Variants in PTPRD observed in about 807,000 individuals in gnomAD.
PTPRD encodes the protein protein tyrosine phosphatase receptor type D.
PTPRD carries 34 observed loss-of-function variants against 214.5 expected under a neutral mutation model. The ratio of observed to expected loss-of-function variants is 0.16; its 90% CI spans 0.12 to 0.21. The LOEUF is 0.21. Among genes scored for constraint, PTPRD ranks in the 10% least tolerant of loss-of-function variants. The pLI, the probability that PTPRD is intolerant of heterozygous loss-of-function variation, is 1.00. For synonymous variants in PTPRD, 1,128 were observed against 845.7 expected, an observed-to-expected ratio of 1.33 and a Z score of -5.79; for missense variants, 2,545 against 2,398.7, an observed-to-expected ratio of 1.06 and a Z score of -1.27.
At chr9:9,432,920 A>G (rs2083775329) in intron 8 of PTPRD, among the ~76,000 whole-genome samples, 1 of 152,190 alleles carries the variant, frequency 6.6e-6, no homozygotes, top group African/African-American at 2.4e-5. Context: ...AGTTGCAGAC[A>G]ATGCTTTACT....
At chr9:9,931,591 C>T (rs184777889) in intron 5 of PTPRD, among the ~76,000 whole-genome samples, 8 of 152,064 alleles carry the variant, frequency 5.3e-5, no homozygotes, top group Admixed American at 3.9e-4. Flanking sequence ...CACGGAGTCT[C>T]GCTGATTGCT....
chr9:8,359,025 G>A (rs1427980529), intron 39 of PTPRD, among the ~76,000 whole-genome samples: 6 of 141,120 alleles, frequency 4.3e-5, no homozygotes, highest in Admixed American at 7.4e-5. Context: ...GGAGAATGGC[G>A]TGAACCTGGG....
rs1014163684 is a variant in PTPRD, at chr9:8,316,615, A to C, written c.*1259T>G. The C allele has an allele frequency of 8.7e-6, 2 of 230,682 alleles. No individual in the cohort carries two copies. The allele number at this position is 230,682 out of a possible 1,614,324, so 14.3% of individuals were successfully genotyped here. Reference sequence around the variant, plus strand: ...TTTCCCACATGCACACCTCTTAGCTATTTAATAATAATTTTTATTGCACTA... The same window carrying C: ...TTTCCCACATGCACACCTCTTAGCTCTTTAATAATAATTTTTATTGCACTA... On this transcript the variant is annotated 3_prime_UTR_variant, in exon 46 of 46. Transcript: ENST00000381196.
At chr9:9,703,820 T>C (rs968240195) in intron 7 of PTPRD, among the ~76,000 whole-genome samples, 1 of 152,172 alleles carries the variant, frequency 6.6e-6, no homozygotes, top group Non-Finnish European at 1.5e-5. Context: ...ATACAGTATT[T>C]TAAAACCATG....
chr9:9,645,445 C>T (rs1270801063), intron 7 of PTPRD, among the ~76,000 whole-genome samples: 1 of 132,062 alleles, frequency 7.6e-6, no homozygotes, highest in Non-Finnish European at 1.6e-5. Context: ...TATCAGGTTT[C>T]CCTACATATA....
intron 11 of PTPRD, among the ~76,000 whole-genome samples, chr9:8,783,596 C>T (rs533994103): frequency 1.3e-5 from 2 of 152,208 alleles, no homozygotes; most frequent in South Asian, 4.1e-4. Context: ...GAATTTAGTC[C>T]CACCATACCC....
At chr9:10,093,942 G>A (rs957200558) in intron 3 of PTPRD, among the ~76,000 whole-genome samples, 7 of 151,350 alleles carry the variant, frequency 4.6e-5, no homozygotes, top group African/African-American at 1.2e-4. Context: ...CTAGAGCAGG[G>A]AGAGAGAAGT....
intron 11 of PTPRD, among the ~76,000 whole-genome samples, chr9:8,868,086 C>A (rs1036328403): frequency 2.6e-5 from 4 of 152,164 alleles, no homozygotes; most frequent in African/African-American, 9.6e-5. Context: ...TGGTTCACCA[C>A]CCTGGTTGTG....
At chr9:10,458,279 A>G (rs558594722) in intron 2 of PTPRD, among the ~76,000 whole-genome samples, 1 of 152,252 alleles carries the variant, frequency 6.6e-6, no homozygotes, top group Non-Finnish European at 1.5e-5. Context: ...GAAGAACATT[A>G]TTGCAAAAAT....
intron 12 of PTPRD, among the ~76,000 whole-genome samples, chr9:8,717,846 C>G (rs1414573857): frequency 6.6e-6 from 1 of 152,190 alleles, no homozygotes; most frequent in Non-Finnish European, 1.5e-5. Context: ...TCCGGCACAC[C>G]TATGAACATT....
At chr9:10,162,750 C>CATATACAT (rs2099136715) in intron 3 of PTPRD, among the ~76,000 whole-genome samples, 1 of 145,934 alleles carries the variant, frequency 6.9e-6, no homozygotes, top group African/African-American at 2.5e-5. Context: ...TATACATATA[C>CATATACAT]ATATATATAA....
chr9:10,548,030 G>C (rs146955559), intron 2 of PTPRD, among the ~76,000 whole-genome samples: 164 of 152,152 alleles, frequency 1.1e-3, no homozygotes, highest in South Asian at 8.5e-3. Flanking sequence ...AAAAGACAGA[G>C]CTCTAGCAGT....
chr9:8,641,505 T>C lies in PTPRD; in HGVS notation c.65-4661A>G, dbSNP rs2096575444. 1.3e-5 allele frequency among the ~76,000 whole-genome samples: 2 copies of C among 148,482 alleles called. 1 individual carries two copies. The highest frequency in any genetic ancestry group is 5.3e-5 in the African/African-American group (2 of 37,910). ...GACAAGTGAGGAGTATGATCTTTTATTAAACTAATGCCAGGTACTGCACAG... is the reference window on the plus strand; with the variant it reads ...GACAAGTGAGGAGTATGATCTTTTACTAAACTAATGCCAGGTACTGCACAG... On this transcript the variant is annotated intron_variant, in intron 12 of 45. Coordinates refer to ENST00000381196, the MANE Select transcript of PTPRD (RefSeq NM_002839.4).
chr9:8,451,818 G>A (rs910351919), intron 33 of PTPRD: 15 of 459,558 alleles, frequency 3.3e-5, no homozygotes, highest in African/African-American at 2.4e-4. Context: ...CCTTCCCATT[G>A]TGGCTCTGCC....
intron 10 of PTPRD, among the ~76,000 whole-genome samples, chr9:9,096,037 A>T (rs1050241450): frequency 6.6e-5 from 10 of 152,328 alleles, no homozygotes; most frequent in Admixed American, 5.2e-4. Flanking sequence ...CTATACATGG[A>T]ACAAAAATAA....
At chr9:10,187,758 G>C (rs2099344780) in intron 3 of PTPRD, among the ~76,000 whole-genome samples, 1 of 152,178 alleles carries the variant, frequency 6.6e-6, no homozygotes, top group East Asian at 1.9e-4. Context: ...CACATCTGTA[G>C]AAATAACTAT....
chr9:8,755,572 C>T (rs1356970118), intron 11 of PTPRD, among the ~76,000 whole-genome samples: 6 of 150,414 alleles, frequency 4.0e-5, no homozygotes, highest in Non-Finnish European at 8.9e-5. Flanking sequence ...AAATAACTTA[C>T]ATATTCATCC....
chr9:10,251,383 C>T (rs2092747216), intron 3 of PTPRD, among the ~76,000 whole-genome samples: 1 of 91,506 alleles, frequency 1.1e-5, no homozygotes, highest in Non-Finnish European at 2.9e-5. Context: ...AAATAAGAGA[C>T]TAAACTCTTT....
intron 2 of PTPRD, among the ~76,000 whole-genome samples, chr9:10,531,261 T>C (rs542603869): frequency 5.9e-5 from 9 of 152,226 alleles, no homozygotes; most frequent in South Asian, 2.1e-4. Context: ...ATGGATAAAA[T>C]TTTAATGGAA....
Sources: allele counts gnomAD v4.1 joint callset (sites outside exome capture counted in the v4.1 genomes callset), GRCh38; gene constraint gnomAD v4.1.1; transcripts MANE v1.5; gene names NCBI Gene and HGNC (gene_info 2026-07-23, HGNC 2026-07-21).